The following PTPRD variants were observed in gnomAD, a reference collection of about 807,000 sequenced individuals.
The protein encoded by PTPRD is receptor-type tyrosine-protein phosphatase delta.
A neutral mutation model predicts 214.5 loss-of-function variants in PTPRD; 34 were observed. The observed-to-expected ratio is 0.16, with a 90% CI of 0.12 to 0.21. The LOEUF is 0.21. Ranked by LOEUF, PTPRD falls within the 10% of genes least tolerant of loss-of-function variation. PTPRD has a pLI of 1.00. For missense variants in PTPRD, 2,545 were observed against 2,398.7 expected, an observed-to-expected ratio of 1.06 and a Z score of -1.27; for synonymous variants, 1,128 against 845.7, an observed-to-expected ratio of 1.33 and a Z score of -5.79.
intron 32 of PTPRD, 73 bp from the exon 33 acceptor site, chr9:8,460,644 A>C (rs988678871): frequency 2.7e-6 from 4 of 1,467,338 alleles, no homozygotes; most frequent in African/African-American, 2.8e-5. Flanking sequence ...CATTAGAAGA[A>C]GCAAAAAATC....
chr9:9,694,103 C>G (rs2097326076), intron 7 of PTPRD, among the ~76,000 whole-genome samples: 2 of 152,092 alleles, frequency 1.3e-5, no homozygotes, highest in African/African-American at 4.8e-5. Flanking sequence ...GACCTTGGTG[C>G]CTTATTCAGT....
At chr9:10,169,617 A>AC (rs1444552197) in intron 3 of PTPRD, among the ~76,000 whole-genome samples, 1 of 152,120 alleles carries the variant, frequency 6.6e-6, no homozygotes, top group Non-Finnish European at 1.5e-5. Flanking sequence ...ACTGTAAAAA[A>AC]CCCAATGTAG....
chr9:8,892,945 T>C (rs537454056), intron 11 of PTPRD, among the ~76,000 whole-genome samples: 28 of 152,126 alleles, frequency 1.8e-4, no homozygotes, highest in African/African-American at 6.5e-4. Context: ...AAGTGAGTCA[T>C]GAAATTAAGA....
intron 34 of PTPRD, among the ~76,000 whole-genome samples, chr9:8,442,174 A>G (rs2095568210): frequency 6.6e-6 from 1 of 152,220 alleles, no homozygotes; most frequent in South Asian, 2.1e-4. Context: ...ATTAATTTAA[A>G]ATGTTAAAAA....
chr9:9,494,972 G>A (rs2154214073), intron 8 of PTPRD, among the ~76,000 whole-genome samples: 1 of 152,216 alleles, frequency 6.6e-6, no homozygotes, highest in South Asian at 2.1e-4. Context: ...AAGATGCTTA[G>A]ACCAATGGAT....
chr9:8,841,202 T>C (rs375352865), intron 11 of PTPRD, among the ~76,000 whole-genome samples: 2 of 152,308 alleles, frequency 1.3e-5, no homozygotes, highest in African/African-American at 2.4e-5. Context: ...TGATTACCAA[T>C]GGAGCTGGTA....
At chr9:10,210,237 G>T (rs983663377) in intron 3 of PTPRD, among the ~76,000 whole-genome samples, 1 of 152,100 alleles carries the variant, frequency 6.6e-6, no homozygotes, top group African/African-American at 2.4e-5. Context: ...ATTTAAGAGA[G>T]TAATACCCAT....
intron 3 of PTPRD, among the ~76,000 whole-genome samples, chr9:10,210,709 A>C (rs1564548609): frequency 6.8e-6 from 1 of 147,762 alleles, no homozygotes; most frequent in Admixed American, 6.9e-5. Flanking sequence ...ATAATACAAG[A>C]AGTTGTTTGA....
At chr9:8,870,953 T>C (rs1174534625) in intron 11 of PTPRD, among the ~76,000 whole-genome samples, 2 of 152,202 alleles carry the variant, frequency 1.3e-5, no homozygotes, top group Non-Finnish European at 2.9e-5. Context: ...AAAGGCTTTA[T>C]GCCTTTTATT....
At chr9:8,795,370 G>A (rs2096381610) in intron 11 of PTPRD, among the ~76,000 whole-genome samples, 1 of 151,966 alleles carries the variant, frequency 6.6e-6, no homozygotes, top group Admixed American at 6.6e-5. Flanking sequence ...TTTCACCACG[G>A]TTGGCCATGC....
intron 6 of PTPRD, among the ~76,000 whole-genome samples, chr9:9,749,327 C>A (rs1050439690): frequency 6.6e-6 from 1 of 152,096 alleles, no homozygotes; most frequent in Non-Finnish European, 1.5e-5. Context: ...GGGTATTAAG[C>A]CTTTTTGCCC....
At chr9:9,786,723 G>C (rs950409640) in intron 5 of PTPRD, among the ~76,000 whole-genome samples, 4 of 152,026 alleles carry the variant, frequency 2.6e-5, no homozygotes, top group African/African-American at 9.7e-5. Context: ...GTACACATAC[G>C]TAACAAACCT....
At chr9:10,176,949 A>G (rs1473606814) in intron 3 of PTPRD, among the ~76,000 whole-genome samples, 1 of 152,004 alleles carries the variant, frequency 6.6e-6, no homozygotes, top group Non-Finnish European at 1.5e-5. Context: ...TATTTATTGC[A>G]TGGTAGCTCT....
At chr9:9,455,550 C>T (rs1212956851) in intron 8 of PTPRD, among the ~76,000 whole-genome samples, 1 of 151,444 alleles carries the variant, frequency 6.6e-6, no homozygotes. Context: ...TACAAGGCCC[C>T]CAAAAGGCCT....
intron 5 of PTPRD, among the ~76,000 whole-genome samples, chr9:9,899,065 CA>C (rs2075760606): frequency 1.3e-5 from 2 of 152,210 alleles, no homozygotes; most frequent in South Asian, 4.1e-4. Flanking sequence ...AAGGTCAATA[CA>C]CAAAAGTCAA....
chr9:10,456,889 A>G (rs2098921813), intron 2 of PTPRD, among the ~76,000 whole-genome samples: 2 of 151,916 alleles, frequency 1.3e-5, no homozygotes, highest in African/African-American at 4.8e-5. Flanking sequence ...AACAGGTAGT[A>G]GTCCAAAAAC....
At chr9:10,382,472 C>T (rs180673254) in intron 2 of PTPRD, among the ~76,000 whole-genome samples, 1 of 151,888 alleles carries the variant, frequency 6.6e-6, no homozygotes, top group East Asian at 1.9e-4. Flanking sequence ...GAAACATTAC[C>T]TCGTCTATGA....
chr9:8,378,896 C>G (rs1441540475), intron 37 of PTPRD, among the ~76,000 whole-genome samples: 1 of 152,046 alleles, frequency 6.6e-6, no homozygotes, highest in Non-Finnish European at 1.5e-5. Flanking sequence ...CTTCTCCATT[C>G]CTAAGATGCA....
chr9:8,630,173 AT>A (rs991421134), intron 14 of PTPRD, among the ~76,000 whole-genome samples: 2 of 151,970 alleles, frequency 1.3e-5, no homozygotes, highest in African/African-American at 4.8e-5. Context: ...GAGAAAGTAA[AT>A]GATCCACGTG....
Sources: allele counts gnomAD v4.1 joint callset (sites outside exome capture counted in the v4.1 genomes callset), GRCh38; gene constraint gnomAD v4.1.1; transcripts MANE v1.5; gene names NCBI Gene and HGNC (gene_info 2026-07-23, HGNC 2026-07-21).